Variants in TMEM132D observed in about 807,000 individuals in gnomAD.
TMEM132D encodes the protein transmembrane protein 132D.
In TMEM132D, 21 loss-of-function variants were observed where a neutral mutation model predicts 62.3. The ratio of observed to expected loss-of-function variants is 0.34; its 90% CI spans 0.24 to 0.49. The LOEUF (loss-of-function observed/expected upper bound fraction) is 0.49, where lower values mean the gene tolerates loss of function less well. Among genes scored for constraint, TMEM132D ranks in the 20% least tolerant of loss-of-function variants. The probability of loss-of-function intolerance (pLI) is 0.99; values close to 1 mark genes in which losing one functional copy is unlikely to be tolerated. For missense variants in TMEM132D, 1,346 were observed against 1,402.8 expected (o/e 0.96, Z 0.65); for synonymous variants, 621 against 575.6 (o/e 1.08, Z -1.13).
intron 3 of TMEM132D, among the ~76,000 whole-genome samples, chr12:129,397,561 G>C: frequency 6.6e-6 from 1 of 152,134 alleles, no homozygotes; most frequent in East Asian, 1.9e-4. Context: ...TTGGATGGAA[G>C]ACAAGCAGAG....
intron 2 of TMEM132D, among the ~76,000 whole-genome samples, chr12:129,633,925 T>A (rs1030229898): frequency 4.6e-5 from 7 of 152,120 alleles, no homozygotes; most frequent in Non-Finnish European, 1.0e-4. Flanking sequence ...CCTTCCCACC[T>A]AAGTTAATAG....
intron 2 of TMEM132D, among the ~76,000 whole-genome samples, chr12:129,692,053 C>T (rs1881075497): frequency 6.6e-6 from 1 of 151,978 alleles, no homozygotes; most frequent in African/African-American, 2.4e-5. Flanking sequence ...CATTTCTACA[C>T]ACTCTCTCCG....
intron 1 of TMEM132D, among the ~76,000 whole-genome samples, chr12:129,720,588 T>A (rs1868786487): frequency 1.3e-5 from 2 of 152,188 alleles, no homozygotes; most frequent in Non-Finnish European, 2.9e-5. Context: ...GACAGTGCCG[T>A]GGCTGGGCCG....
chr12:129,367,679 A>G (rs1168099132), intron 3 of TMEM132D, among the ~76,000 whole-genome samples: 1 of 152,050 alleles, frequency 6.6e-6, no homozygotes, highest in Non-Finnish European at 1.5e-5. Context: ...ACATAATTTG[A>G]ATACTTGGAT....
intron 5 of TMEM132D, among the ~76,000 whole-genome samples, chr12:129,122,988 T>C (rs1185069602): frequency 6.6e-6 from 1 of 152,174 alleles, no homozygotes; most frequent in Non-Finnish European, 1.5e-5. Flanking sequence ...AGCTTACATA[T>C]AAGAAAGATA....
chr12:129,265,514 C>G (rs1470347793), intron 4 of TMEM132D, among the ~76,000 whole-genome samples: 3 of 152,166 alleles, frequency 2.0e-5, no homozygotes, highest in African/African-American at 4.8e-5. Context: ...CACCCACACC[C>G]TCTCCATTGC....
At chr12:129,134,807 C>T (rs1876507428) in intron 5 of TMEM132D, among the ~76,000 whole-genome samples, 1 of 152,068 alleles carries the variant, frequency 6.6e-6, no homozygotes, top group East Asian at 1.9e-4. Context: ...CTTTACTTCT[C>T]CTTCTTCTCC....
chr12:129,439,282 A>G (rs1266560511), intron 3 of TMEM132D, among the ~76,000 whole-genome samples: 3 of 152,146 alleles, frequency 2.0e-5, no homozygotes, highest in African/African-American at 4.8e-5. Context: ...TTCTGTTTGT[A>G]TTTTATTATG....
chr12:129,612,374 A>G (rs1878799569), intron 2 of TMEM132D, among the ~76,000 whole-genome samples: 1 of 152,210 alleles, frequency 6.6e-6, no homozygotes, highest in Admixed American at 6.5e-5. Context: ...CAAGTTGCAT[A>G]AATTCTGCAG....
intron 3 of TMEM132D, among the ~76,000 whole-genome samples, chr12:129,470,434 T>C (rs2061738097): frequency 6.6e-6 from 1 of 152,196 alleles, no homozygotes; most frequent in African/African-American, 2.4e-5. Context: ...TGATCATTTG[T>C]GAAGCCCTCC....
chr12:129,331,291 CTGGGTTTGGCAGA>C (rs976017440), intron 4 of TMEM132D, among the ~76,000 whole-genome samples: 1 of 152,184 alleles, frequency 6.6e-6, no homozygotes, highest in African/African-American at 2.4e-5. Context: ...ATCTTCAGGG[CTGGGTTTGGCAGA>C]TGCGTCTGTA....
intron 4 of TMEM132D, among the ~76,000 whole-genome samples, chr12:129,249,183 C>T (rs1031645273): frequency 2.6e-5 from 4 of 152,058 alleles, no homozygotes; most frequent in African/African-American, 4.8e-5. Context: ...CCTGGGCCAG[C>T]GTAGATGCTT....
At chr12:129,841,685 A>G (rs939506483) in intron 1 of TMEM132D, among the ~76,000 whole-genome samples, 3 of 152,222 alleles carry the variant, frequency 2.0e-5, no homozygotes, top group African/African-American at 7.2e-5. Flanking sequence ...GGAGAACTCA[A>G]CGACGAAGTT....
Position 129,847,601 on chromosome 12 carries a change from C to T in TMEM132D, c.79+55660G>A, listed in dbSNP as rs190059865. Among the ~76,000 whole-genome samples the T allele has an allele frequency of 1.8e-3, 273 of 152,212 alleles. 1 individual carries two copies. The highest frequency in any genetic ancestry group is 6.4e-3 in the African/African-American group (266 of 41,524). On this transcript the variant is annotated intron_variant, in intron 1 of 8. Transcript: ENST00000422113. ...TTCCGAATATTAGGAACACTGACTGCATTTCTCTTCTGTAGTGGAGTACAG... is the reference window on the plus strand; with the variant it reads ...TTCCGAATATTAGGAACACTGACTGTATTTCTCTTCTGTAGTGGAGTACAG...
Position 129,402,990 on chromosome 12 carries a change from T to C in TMEM132D, c.1116-65173A>G, listed in dbSNP as rs537492099. Reference sequence around the variant, plus strand: ...TAAATTCTGCTTTGTTTTGCTTGTTTGGGCTGTGTTTTCTGCCACGGGCCA... The same window carrying C: ...TAAATTCTGCTTTGTTTTGCTTGTTCGGGCTGTGTTTTCTGCCACGGGCCA... On this transcript the variant is annotated intron_variant, in intron 3 of 8. Transcript: ENST00000422113. Among the ~76,000 whole-genome samples, 13 of 152,258 alleles carry C rather than the reference T, an allele frequency of 8.5e-5. No homozygotes were observed. The South Asian group carries it at 2.7e-3, about 32-fold the overall frequency.
intron 1 of TMEM132D, among the ~76,000 whole-genome samples, chr12:129,844,406 A>AC (rs1230428386): frequency 2.6e-5 from 4 of 151,790 alleles, no homozygotes; most frequent in African/African-American, 9.7e-5. Context: ...TCTCATGCCT[A>AC]CCCCCTCCAC....
chr12:129,752,518 G>A (rs1195213460), intron 1 of TMEM132D, among the ~76,000 whole-genome samples: 1 of 152,192 alleles, frequency 6.6e-6, no homozygotes, highest in Non-Finnish European at 1.5e-5. Flanking sequence ...ATCCTTCCAT[G>A]AGATTTGGAA....
At chr12:129,893,087 G>A (rs536192682) in intron 1 of TMEM132D, among the ~76,000 whole-genome samples, 4 of 152,222 alleles carry the variant, frequency 2.6e-5, no homozygotes, top group African/African-American at 9.6e-5. Flanking sequence ...ATGTTGGCCA[G>A]GCTGGTCTTG....
At chr12:129,331,818 G>T (rs1320585883) in intron 4 of TMEM132D, among the ~76,000 whole-genome samples, 3 of 152,202 alleles carry the variant, frequency 2.0e-5, no homozygotes, top group Non-Finnish European at 4.4e-5. Flanking sequence ...AACTCAGGAG[G>T]CAGTTAGGAG....
Sources: gnomAD v4.1 joint callset for allele counts (sites outside exome capture counted in the v4.1 genomes callset) on GRCh38, gnomAD v4.1.1 for gene constraint, MANE v1.5 for transcripts, NCBI Gene and HGNC (gene_info 2026-07-23, HGNC 2026-07-21) for gene names.